Variants in PRSS48 observed in about 807,000 individuals in gnomAD.
The protein encoded by PRSS48 is epidermis-specific serine protease-like protein.
Under a neutral mutation model 25.6 loss-of-function variants are expected in PRSS48, and 21 were observed. That is an observed-to-expected ratio of 0.82 (90% CI 0.58 to 1.18). The LOEUF (loss-of-function observed/expected upper bound fraction) is 1.18, where lower values mean the gene tolerates loss of function less well. Among genes scored for constraint, PRSS48 ranks in the 50% most tolerant of loss-of-function variants. PRSS48 has a pLI of 0.00. For synonymous variants in PRSS48, 150 were observed against 149.3 expected, an observed-to-expected ratio of 1.00 and a Z score of -0.04; for missense variants, 373 against 399.3, an observed-to-expected ratio of 0.93 and a Z score of 0.56.
At chr4:151,283,364 C>A in intron 4 of PRSS48, 78 bp downstream of exon 4, 1 of 1,364,044 alleles carries the variant, frequency 7.3e-7, no homozygotes. Context: ...CTGTAAATAA[C>A]AGTGGATTGG....
intron 2 of PRSS48, 108 bp from the exon 3 acceptor site, chr4:151,282,040 C>A: frequency 1.8e-6 from 2 of 1,125,712 alleles, no homozygotes; most frequent in Non-Finnish European, 1.3e-6. Flanking sequence ...ATGGTTAATT[C>A]CCAGTTGGCT....
At chr4:151,286,287 GAAAAT>G (rs1384526948) in intron 4 of PRSS48, among the ~76,000 whole-genome samples, 1 of 137,240 alleles carries the variant, frequency 7.3e-6, no homozygotes, top group African/African-American at 2.7e-5. Context: ...AGACAATAGA[GAAAAT>G]AAACAAAAGC....
At chr4:151,289,245 A>G (rs1430555092) in intron 4 of PRSS48, among the ~76,000 whole-genome samples, 1 of 152,244 alleles carries the variant, frequency 6.6e-6, no homozygotes, top group Non-Finnish European at 1.5e-5. Context: ...AAATGGATCT[A>G]AGACCTAAAT....
rs1774008037 is a variant in PRSS48, at chr4:151,279,786, C to G, written c.53-10C>G. On this transcript the variant is annotated splice_polypyrimidine_tract_variant and intron_variant, in intron 1 of 4. Coordinates refer to ENST00000455694, the Ensembl canonical transcript of PRSS48. ...AGGTTTCCACATTTCCCTTTCTTCT[C>G]TTTCTCTAGTGTGTGGGCAACCTGT... The G allele has an allele frequency of 3.1e-6, 5 of 1,613,262 alleles. No individual in the cohort carries two copies. Among genetic ancestry groups the G allele is most frequent in the Non-Finnish European group, 4.2e-6 (5 of 1,179,518 alleles).
Position 151,279,975 on chromosome 4 carries a change from A to G in PRSS48, c.215+17A>G. ...CATACAACCGTGAGTTCTAGCTGGC[A>G]GCTAACACACAGACAGGTTCTCAGT... On this transcript the variant is annotated intron_variant, in intron 2 of 4. Transcript: ENST00000455694. 3 of 1,611,920 alleles carry G rather than the reference A, an allele frequency of 1.9e-6. No individual in the cohort carries two copies. The highest frequency in any genetic ancestry group is 2.5e-6 in the Non-Finnish European group (3 of 1,179,174).
chr4:151,288,625 C>T (rs572049465), intron 4 of PRSS48, among the ~76,000 whole-genome samples: 5 of 151,654 alleles, frequency 3.3e-5, no homozygotes, highest in South Asian at 4.2e-4. Context: ...GCTGAGATCT[C>T]GCCACTGCAC....
chr4:151,283,218 C>A, exon 4 of PRSS48: 2 of 1,613,858 alleles, frequency 1.2e-6, no homozygotes, highest in South Asian at 1.1e-5. Flanking sequence ...CTTGCCAGCA[C>A]TGGAGCCAGT....
chr4:151,289,143 G>A (rs1332081813), intron 4 of PRSS48, among the ~76,000 whole-genome samples: 2 of 152,128 alleles, frequency 1.3e-5, no homozygotes, highest in African/African-American at 4.8e-5. Flanking sequence ...ACAAATAATA[G>A]TCATTTCAAC....
exon 5 of PRSS48, chr4:151,291,224 C>A: frequency 6.2e-7 from 1 of 1,613,724 alleles, no homozygotes. Context: ...GGAGTCTACA[C>A]CAATGTAATC....
chr4:151,285,134 T>G (rs1774623179), intron 4 of PRSS48, among the ~76,000 whole-genome samples: 1 of 152,184 alleles, frequency 6.6e-6, no homozygotes, highest in African/African-American at 2.4e-5. Context: ...TTCCAAGGAT[T>G]GACTCTAGTT....
At chr4:151,279,178 C>G in intron 1 of PRSS48, 1 of 356,982 alleles carries the variant, frequency 2.8e-6, no homozygotes, top group Non-Finnish European at 5.3e-6. Flanking sequence ...CTTGAGTATA[C>G]AGGTCACCAG....
In PRSS48 at chr4:151,280,775, G is replaced by C. The variant is rs111502377; in HGVS notation, c.215+817G>C. Reference sequence around the variant, plus strand: ...CACACATTCCAGCCTGGGCGACAGAGTGAGACCCTGTCTCTAAAAAAAAAA... The same window carrying C: ...CACACATTCCAGCCTGGGCGACAGACTGAGACCCTGTCTCTAAAAAAAAAA... On this transcript the variant is annotated intron_variant, in intron 2 of 4. Transcript: ENST00000455694. Among the ~76,000 whole-genome samples, 1,186 of 151,756 alleles carry C rather than the reference G, an allele frequency of 7.8e-3. 16 individuals are homozygous for C. Among genetic ancestry groups the C allele is most frequent in the African/African-American group, 0.028 (1,138 of 41,324 alleles).
exon 3 of PRSS48, chr4:151,282,224 T>G: frequency 6.2e-7 from 1 of 1,613,898 alleles, no homozygotes; most frequent in Non-Finnish European, 8.5e-7. Flanking sequence ...TGTGAAGTAC[T>G]ACGTGTCCAA....
At chr4:151,291,051 C>T (rs1392260772) in intron 4 of PRSS48, 67 bp from the exon 5 acceptor site, 2 of 1,242,584 alleles carry the variant, frequency 1.6e-6, no homozygotes, top group Non-Finnish European at 1.1e-6. Flanking sequence ...AATTCTCCAC[C>T]CCTTATTACT....
At chr4:151,280,168 T>C (rs1409780376) in intron 2 of PRSS48, among the ~76,000 whole-genome samples, 3 of 69,568 alleles carry the variant, frequency 4.3e-5, no homozygotes, top group Non-Finnish European at 1.3e-4. Flanking sequence ...ATTAAAGACT[T>C]TTCTTATTTT....
intron 4 of PRSS48, among the ~76,000 whole-genome samples, chr4:151,284,625 T>C (rs1183061129): frequency 6.6e-6 from 1 of 152,248 alleles, no homozygotes; most frequent in East Asian, 1.9e-4. Context: ...CAGTTTATCT[T>C]GGAAAACGTT....
chr4:151,289,617 G>A (rs1032350547), intron 4 of PRSS48, among the ~76,000 whole-genome samples: 6 of 152,316 alleles, frequency 3.9e-5, no homozygotes, highest in African/African-American at 1.4e-4. Flanking sequence ...ATATGCAAAT[G>A]TAGAGAAATT....
chr4:151,279,271 T>C lies in PRSS48; in HGVS notation c.53-525T>C, dbSNP rs116787991. ...TTTTTAGAGACCTGGTTTCACTATA[T>C]TGCCCAGGCCTCAAGCAGTTCTCCC... On this transcript the variant is annotated intron_variant, in intron 1 of 4. Coordinates refer to ENST00000455694, the Ensembl canonical transcript of PRSS48. The C allele has an allele frequency of 4.5e-3, 964 of 213,208 alleles. 4 individuals carry two copies. Among genetic ancestry groups the C allele is most frequent in the Non-Finnish European group, 7.0e-3 (763 of 108,936 alleles). 13.2% of individuals were successfully genotyped at this position (213,208 alleles called of 1,614,324 possible). A position where few individuals can be genotyped will look rare whatever the true frequency, so the allele number is the denominator to read the frequency against.
chr4:151,282,369 C>T lies in PRSS48; in HGVS notation c.437C>T (p.Pro146Leu). Residue 146 changes from proline (P) to leucine (L), a missense_variant, in exon 3 of 5, where the codon CCC (proline) becomes CTC (leucine). Transcript: ENST00000455694. ...GTCACAAAGCAGTTGGCAATTCCAC[C>T]CTTTTGTTGGGTGACCGGATGGGGA... 4 of 1,613,894 alleles carry T rather than the reference C, an allele frequency of 2.5e-6. No individual in the cohort carries two copies. In the South Asian group the frequency reaches 4.4e-5, roughly 18 times the overall value.
Sources: gnomAD v4.1 joint callset for allele counts (sites outside exome capture counted in the v4.1 genomes callset) on GRCh38, gnomAD v4.1.1 for gene constraint, MANE v1.5 for transcripts, NCBI Gene and HGNC (gene_info 2026-07-23, HGNC 2026-07-21) for gene names.